MATR3: variants seen among roughly 807,000 people sequenced by gnomAD.
The protein encoded by MATR3 is matrin-3.
A neutral mutation model predicts 85.5 loss-of-function variants in MATR3; 4 were observed. The observed-to-expected ratio is 0.05, with a 90% CI of 0.02 to 0.11. The LOEUF (loss-of-function observed/expected upper bound fraction) is 0.11. Ranked by LOEUF, MATR3 falls within the 10% of genes least tolerant of loss-of-function variation. MATR3 has a pLI of 1.00. For synonymous variants in MATR3, 336 were observed against 343.1 expected (o/e 0.98, Z 0.23); for missense variants, 685 against 1,016.1 (o/e 0.67, Z 4.43).
In MATR3 at chr5:139,302,074, C is replaced by T. The variant is rs561282112; in HGVS notation, c.-177-5165C>T. ...GTATTTCAGCCTTCCTGGCACTACACTTTTTTATCTTTTCTATTGTATGAT... is the reference window on the plus strand; with the variant it reads ...GTATTTCAGCCTTCCTGGCACTACATTTTTTTATCTTTTCTATTGTATGAT... On this transcript the variant is annotated intron_variant, in intron 1 of 14. Coordinates refer to ENST00000394805, the MANE Select transcript of MATR3 (RefSeq NM_018834.6). Among the ~76,000 whole-genome samples the T allele has an allele frequency of 2.6e-5, 4 of 152,276 alleles. No individual in the cohort carries two copies. The South Asian group carries it at 8.3e-4, about 32-fold the overall frequency.
rs549545267 is a variant in MATR3, at chr5:139,294,115, C to T, written c.-178+310C>T. On this transcript the variant is annotated intron_variant, in intron 1 of 14. Transcript: ENST00000394805. The stretch of plus-strand genomic sequence containing the variant: ...TGGGTGAAGAGGTGCGCTGACCGGC[C>T]GAGCTTCCTGCGCGTCCTGGGCTCG... 1.3e-5 allele frequency: 16 copies of T among 1,188,610 alleles called. 1 individual carries two copies. The South Asian group carries it at 4.7e-4, about 35-fold the overall frequency. 73.6% of individuals were successfully genotyped at this position (1,188,610 alleles called of 1,614,324 possible). A position where few individuals can be genotyped will look rare whatever the true frequency, so the allele number is the denominator to read the frequency against.
chr5:139,314,333 C>G, intron 2 of MATR3: 1 of 321,592 alleles, frequency 3.1e-6, no homozygotes, highest in Non-Finnish European at 6.1e-6. Context: ...ATGAATACTT[C>G]AGTTTGGTCC....
At chr5:139,323,074 A>G in intron 12 of MATR3, 107 bp downstream of exon 12, 1 of 1,135,952 alleles carries the variant, frequency 8.8e-7, no homozygotes, top group Non-Finnish European at 1.2e-6. Context: ...TTAAATCAGA[A>G]AATAAATCAG....
intron 9 of MATR3, among the ~76,000 whole-genome samples, chr5:139,321,494 A>G (rs149956054): frequency 5.3e-5 from 8 of 152,260 alleles, no homozygotes; most frequent in South Asian, 2.1e-4. Context: ...TAAAGATTAA[A>G]ATTTTTAGCC....
At chr5:139,287,740 C>G (rs749683978) in intron 3 of MATR3, among the ~76,000 whole-genome samples, 14 of 152,194 alleles carry the variant, frequency 9.2e-5, no homozygotes, top group Non-Finnish European at 1.6e-4. Context: ...CACACCCACT[C>G]CCACACCCAA....
At position 139,293,786 on chromosome 5, in the gene MATR3, T is replaced by C; in HGVS notation, c.-197T>C. On this transcript the variant is annotated 5_prime_UTR_variant, in exon 1 of 15. Transcript: ENST00000394805. ...GCTGGGAGAGAGGTACCTCTCCTTT[T>C]CCCTCTCCCTTTCCCTAAGGTAGGC... 1 of 397,200 alleles carries C rather than the reference T, an allele frequency of 2.5e-6. No homozygotes were observed. Among genetic ancestry groups the C allele is most frequent in the Non-Finnish European group, 4.4e-6 (1 of 226,240 alleles). 24.6% of individuals were successfully genotyped at this position (397,200 alleles called of 1,614,324 possible). A position where few individuals can be genotyped will look rare whatever the true frequency, so the allele number is the denominator to read the frequency against.
intron 3 of MATR3, chr5:139,283,098 C>CTG (rs1753589107): frequency 1.3e-5 from 2 of 152,260 alleles, no homozygotes; most frequent in South Asian, 4.1e-4. Flanking sequence ...AGAGTGGATG[C>CTG]TGTAGTCCTT....
At chr5:139,315,806 A>T in intron 4 of MATR3, 68 bp downstream of exon 4, 2 of 1,242,372 alleles carry the variant, frequency 1.6e-6, no homozygotes, top group Admixed American at 3.5e-5. Flanking sequence ...TTTCACTTTC[A>T]ACATTTCATA....
At chr5:139,305,456 A>G (rs1304137335) in intron 1 of MATR3, among the ~76,000 whole-genome samples, 3 of 152,224 alleles carry the variant, frequency 2.0e-5, no homozygotes, top group Non-Finnish European at 2.9e-5. Context: ...TGGCTACAAC[A>G]TGAAGGTCAA....
chr5:139,281,373 T>TG (rs567667431), intron 3 of MATR3, among the ~76,000 whole-genome samples: 314 of 147,988 alleles, frequency 2.1e-3, no homozygotes, highest in African/African-American at 7.5e-3. Flanking sequence ...TTTTTTTTTT[T>TG]GCTCTGTTGC....
intron 3 of MATR3, among the ~76,000 whole-genome samples, chr5:139,280,957 AT>A (rs886358762): frequency 3.3e-3 from 487 of 145,512 alleles, no homozygotes; most frequent in Middle Eastern, 7.2e-3. Context: ...ATCCCTGTCG[AT>A]TTTTTTTTTT....
intron 1 of MATR3, among the ~76,000 whole-genome samples, chr5:139,275,678 C>G (rs1193629877): frequency 6.6e-6 from 1 of 152,142 alleles, no homozygotes; most frequent in African/African-American, 2.4e-5. Context: ...TGCTCGCTCA[C>G]GCCTGTAGTC....
At chr5:139,274,222 T>C in intron 1 of MATR3, 1 of 362,038 alleles carries the variant, frequency 2.8e-6, no homozygotes, top group African/African-American at 2.1e-5. Context: ...AAAGAAGCAG[T>C]GCAGGGTGGC....
At chr5:139,294,192 A>C in intron 1 of MATR3, 1 of 579,072 alleles carries the variant, frequency 1.7e-6, no homozygotes, top group Non-Finnish European at 2.6e-6. Context: ...CGCGGCGCTG[A>C]GGGGGAGGGA....
exon 2 of MATR3, chr5:139,276,141 G>A (rs944809840): frequency 2.4e-5 from 11 of 456,630 alleles, no homozygotes; most frequent in African/African-American, 4.0e-5. Flanking sequence ...TGTGGCAGAT[G>A]CAACTGCAGG....
chr5:139,294,120 T>C, intron 1 of MATR3: 3 of 1,167,720 alleles, frequency 2.6e-6, no homozygotes, highest in South Asian at 3.1e-5. Context: ...CCGGCCGAGC[T>C]TCCTGCGCGT....
At chr5:139,294,254 TGAG>T (rs1754015685) in intron 1 of MATR3, among the ~76,000 whole-genome samples, 1 of 152,310 alleles carries the variant, frequency 6.6e-6, no homozygotes, top group African/African-American at 2.4e-5. Context: ...GCTTGCCGTT[TGAG>T]GAGGATGGTT....
chr5:139,329,262 A>G, intron 14 of MATR3, 83 bp from the exon 15 acceptor site: 2 of 947,506 alleles, frequency 2.1e-6, no homozygotes, highest in Non-Finnish European at 3.5e-6. Context: ...AAACTTGGAT[A>G]TAGGATATTT....
At chr5:139,317,488 C>G in intron 6 of MATR3, 108 bp from the exon 7 acceptor site, 2 of 1,110,172 alleles carry the variant, frequency 1.8e-6, no homozygotes, top group Non-Finnish European at 2.7e-6. Flanking sequence ...AGTTGTTTTA[C>G]TTACACTCTC....
Sources: allele counts gnomAD v4.1 joint callset (sites outside exome capture counted in the v4.1 genomes callset), GRCh38; gene constraint gnomAD v4.1.1; transcripts MANE v1.5; gene names NCBI Gene and HGNC (gene_info 2026-07-23, HGNC 2026-07-21).